The following PAX6 variants were observed in gnomAD, a reference collection of about 807,000 sequenced individuals.
PAX6 encodes paired box 6, also known as paired box protein Pax-6.
PAX6 carries 7 observed loss-of-function variants against 60.7 expected under a neutral mutation model. That is an observed-to-expected ratio of 0.12 (90% confidence interval 0.07 to 0.22). The LOEUF (loss-of-function observed/expected upper bound fraction) is 0.22. Among genes scored for constraint, PAX6 ranks in the 10% least tolerant of loss-of-function variants. The probability of loss-of-function intolerance (pLI) is 1.00; values close to 1 mark genes in which losing one functional copy is unlikely to be tolerated. For synonymous variants in PAX6, 208 were observed against 201.2 expected (o/e 1.03, Z -0.29); for missense variants, 355 against 555.2 (o/e 0.64, Z 3.62).
chr11:31,795,180 A>G (rs1263082856), intron 8 of PAX6, among the ~76,000 whole-genome samples: 3 of 152,242 alleles, frequency 2.0e-5, no homozygotes, highest in African/African-American at 7.2e-5. Flanking sequence ...ATTTCAGTTG[A>G]TCTATAATCA....
At chr11:31,790,439 T>G (rs1949530155) in intron 13 of PAX6, 1 of 1,330,762 alleles carries the variant, frequency 7.5e-7, no homozygotes, top group Non-Finnish European at 9.7e-7. Flanking sequence ...CTTCGTCTAA[T>G]AATCTGTCCT....
chr11:31,817,043 G>A (rs903461198), intron 1 of PAX6, among the ~76,000 whole-genome samples: 4 of 152,248 alleles, frequency 2.6e-5, no homozygotes, highest in African/African-American at 4.8e-5. Flanking sequence ...AGGGCCGCAG[G>A]GTGGTGGGCG....
At chr11:31,792,165 G>A (rs1230865370) in intron 12 of PAX6, 1 of 65,454 alleles carries the variant, frequency 1.5e-5, no homozygotes, top group Non-Finnish European at 2.9e-5. Context: ...GTTCAAAGAG[G>A]CAAACAGGCC....
intron 9 of PAX6, 52 bp from the exon 10 acceptor site, chr11:31,794,166 T>G: frequency 2.5e-6 from 3 of 1,206,596 alleles, no homozygotes; most frequent in Non-Finnish European, 3.7e-6. Context: ...ACAAAATATG[T>G]TGACCAAACT....
intron 1 of PAX6, chr11:31,816,403 C>T (rs1957377367): frequency 4.9e-6 from 3 of 618,448 alleles, no homozygotes; most frequent in Non-Finnish European, 8.8e-6. Flanking sequence ...CCTCGGCTCG[C>T]CCTGGGCGCG....
intron 13 of PAX6, 56 bp downstream of exon 13, chr11:31,790,654 A>T: frequency 1.2e-6 from 2 of 1,611,506 alleles, no homozygotes; most frequent in Non-Finnish European, 1.7e-6. Context: ...CTGTTTGGGT[A>T]AACTTCTAGT....
intron 10 of PAX6, 71 bp from the exon 11 acceptor site, chr11:31,793,873 C>T: frequency 6.5e-7 from 1 of 1,548,964 alleles, no homozygotes; most frequent in East Asian, 2.2e-5. Flanking sequence ...ACCTCCACTG[C>T]TGCCCTCCCC....
chr11:31,795,395 C>T (rs1029629628), intron 8 of PAX6, among the ~76,000 whole-genome samples: 2 of 152,186 alleles, frequency 1.3e-5, no homozygotes, highest in Admixed American at 6.5e-5. Flanking sequence ...GTGCGCTTCG[C>T]CTTGACACCT....
intron 12 of PAX6, 35 bp from the exon 13 acceptor site, chr11:31,790,895 G>A (rs772340769): frequency 6.2e-7 from 1 of 1,609,566 alleles, no homozygotes; most frequent in Admixed American, 1.7e-5. Flanking sequence ...GGTTACTGAG[G>A]AACACATCAC....
At chr11:31,806,723 A>C in intron 3 of PAX6, 126 bp downstream of exon 3, 1 of 413,684 alleles carries the variant, frequency 2.4e-6, no homozygotes, top group Non-Finnish European at 4.3e-6. Context: ...CCCTTTAATC[A>C]GTAGAAGCGA....
chr11:31,801,388 A>C (rs1450823757), intron 7 of PAX6, 173 bp downstream of exon 7: 28 of 1,503,014 alleles, frequency 1.9e-5, no homozygotes, highest in Non-Finnish European at 2.4e-5. Context: ...TTTTCCAGAC[A>C]GTCAAAGAAA....
intron 7 of PAX6, 40 bp from the exon 8 acceptor site, chr11:31,800,896 C>T (rs777303179): frequency 4.4e-6 from 7 of 1,593,006 alleles, no homozygotes; most frequent in Admixed American, 3.3e-5. Flanking sequence ...GGTAGTGTCT[C>T]CTGAAGACAC....
intron 5 of PAX6, chr11:31,802,463 A>T: frequency 2.0e-6 from 1 of 502,264 alleles, no homozygotes; most frequent in Non-Finnish European, 3.5e-6. Context: ...TCCGCACACA[A>T]TATTTTTCTG....
In PAX6 at chr11:31,789,564, A is replaced by T; in HGVS notation, c.*370T>A. The T allele has an allele frequency of 1.7e-6, 1 of 604,140 alleles. No individual in the cohort carries two copies. Among genetic ancestry groups the T allele is most frequent in the Admixed American group, 3.1e-5 (1 of 32,556 alleles). 37.4% of individuals were successfully genotyped at this position (604,140 alleles called of 1,614,324 possible). On this transcript the variant is annotated 3_prime_UTR_variant, in exon 14 of 14. Transcript: ENST00000640368. ...AAATTCGTGGCAAAGCTTGTTGATC[A>T]TGGTTTTCTTTTTAAAAAAAAAAAA...
At chr11:31,813,584 G>T (rs114355221), upstream of PAX6, among the ~76,000 whole-genome samples, 998 of 151,972 alleles carry the variant, frequency 6.6e-3, 15 homozygotes, top group African/African-American at 0.022. Context: ...CCCCCATCTC[G>T]CTGCGGAGAA....
In PAX6 at chr11:31,801,473, A is replaced by T. The variant is rs911045964; in HGVS notation, c.399+88T>A. On this transcript the variant is annotated intron_variant, in intron 7 of 13. Coordinates refer to ENST00000640368, the MANE Select transcript of PAX6 (RefSeq NM_001368894.2). ...GAGCAGGGAGAGGACACAGACTAAG[A>T]GACAGTGGAGAGAGAGGGTGGGAGG... is the stretch of plus-strand genomic sequence containing the variant. The T allele has an allele frequency of 8.1e-6, 13 of 1,604,386 alleles. No homozygotes were observed. In the Admixed American group the frequency reaches 1.4e-4, roughly 17 times the overall value.
At chr11:31,793,849 A>T (rs374722394) in intron 10 of PAX6, 47 bp from the exon 11 acceptor site, 9 of 1,611,988 alleles carry the variant, frequency 5.6e-6, no homozygotes, top group Non-Finnish European at 7.6e-6. Flanking sequence ...CGTCGAGCCC[A>T]GCCCCACCTT....
Position 31,806,386 on chromosome 11 carries a change from G to A in PAX6, c.10+16C>T. On this transcript the variant is annotated intron_variant, in intron 4 of 13. Transcript: ENST00000640368. ...CACCCCGAGCCCGAAGTCCCAGAAA[G>A]ACCAGAGGCACTTACTGTTCTGCAT... 1.2e-6 allele frequency: 2 copies of A among 1,607,918 alleles called. No homozygotes were observed. Among genetic ancestry groups the A allele is most frequent in the Non-Finnish European group, 1.7e-6 (2 of 1,177,400 alleles).
At chr11:31,794,473 C>T (rs1950910620) in intron 9 of PAX6, 157 bp downstream of exon 9, 2 of 433,714 alleles carry the variant, frequency 4.6e-6, no homozygotes, top group African/African-American at 4.0e-5. Flanking sequence ...CACACACACA[C>T]ACACACTGAA....
Sources: allele counts gnomAD v4.1 joint callset (sites outside exome capture counted in the v4.1 genomes callset), GRCh38; gene constraint gnomAD v4.1.1; transcripts MANE v1.5; gene names NCBI Gene and HGNC (gene_info 2026-07-23, HGNC 2026-07-21).